SORCS3: variants seen among roughly 807,000 people sequenced by gnomAD.
SORCS3 encodes the protein sortilin related VPS10 domain containing receptor 3.
SORCS3 carries 57 observed loss-of-function variants against 146.3 expected under a neutral mutation model. The observed-to-expected ratio is 0.39, with a 90% CI of 0.31 to 0.49. The LOEUF (loss-of-function observed/expected upper bound fraction) is 0.49. Ranked by LOEUF, SORCS3 falls within the 20% of genes least tolerant of loss-of-function variation. The pLI is 0.92. For missense variants in SORCS3, 1,341 were observed against 1,575.5 expected, an observed-to-expected ratio of 0.85 and a Z score of 2.52; for synonymous variants, 653 against 618.5, an observed-to-expected ratio of 1.06 and a Z score of -0.83.
intron 1 of SORCS3, among the ~76,000 whole-genome samples, chr10:104,653,754 A>G (rs187241819): frequency 1.3e-5 from 2 of 152,234 alleles, no homozygotes; most frequent in Non-Finnish European, 2.9e-5. Flanking sequence ...TAATCACATC[A>G]TGGAAGATGG....
chr10:105,256,925 G>A lies in SORCS3; in HGVS notation c.3443+1G>A. ...TGTTTTTGATCTACAAGTTTAAAAGGTATGTCCTATTATCACTCAATTTAG... is the reference window on the plus strand; with the variant it reads ...TGTTTTTGATCTACAAGTTTAAAAGATATGTCCTATTATCACTCAATTTAG... On this transcript the variant is annotated splice_donor_variant, in intron 25 of 26. Coordinates refer to ENST00000369701, the MANE Select transcript of SORCS3 (RefSeq NM_014978.3). LOFTEE classifies it high-confidence loss of function. The A allele has an allele frequency of 6.2e-7, 1 of 1,606,332 alleles. No homozygotes were observed.
At chr10:104,851,700 C>A (rs1191621972) in intron 2 of SORCS3, among the ~76,000 whole-genome samples, 1 of 152,132 alleles carries the variant, frequency 6.6e-6, no homozygotes, top group African/African-American at 2.4e-5. Context: ...CACACAGAGC[C>A]TATCTATTTT....
chr10:104,664,357 T>C (rs1391436407), intron 1 of SORCS3, among the ~76,000 whole-genome samples: 7 of 152,188 alleles, frequency 4.6e-5, no homozygotes, highest in Non-Finnish European at 8.8e-5. Flanking sequence ...ATCCTTGACG[T>C]GTAACACATT....
intron 1 of SORCS3, among the ~76,000 whole-genome samples, chr10:104,827,580 C>A (rs72815642): frequency 0.076 from 11,571 of 152,098 alleles, 697 homozygotes; most frequent in Non-Finnish European, 0.11. Flanking sequence ...AGAACACAAG[C>A]AGAGGAGATT....
chr10:104,642,022 G>GGGGGGGGGGGGGGGGGGGCCCC, intron 1 of SORCS3, 68 bp downstream of exon 1: 28 of 173,320 alleles, frequency 1.6e-4, no homozygotes, highest in East Asian at 6.0e-4. Context: ...GGGTGGGTGG[G>GGGGGGGGGGGGGGGGGGGCCCC]AGCGAGGGAC....
chr10:105,241,356 G>A (rs745775778), intron 20 of SORCS3, among the ~76,000 whole-genome samples: 2 of 152,218 alleles, frequency 1.3e-5, no homozygotes, highest in Non-Finnish European at 2.9e-5. Flanking sequence ...TATCACCTCA[G>A]GGGGAGCGCA....
At chr10:105,013,906 G>A (rs79880689) in intron 4 of SORCS3, among the ~76,000 whole-genome samples, 1,817 of 151,650 alleles carry the variant, frequency 0.012, 33 homozygotes, top group African/African-American at 0.041. Flanking sequence ...TGGTTGGAGT[G>A]GGTTGCTAAC....
intron 1 of SORCS3, among the ~76,000 whole-genome samples, chr10:104,778,396 T>A (rs1029875152): frequency 2.0e-5 from 3 of 152,242 alleles, no homozygotes; most frequent in Admixed American, 2.0e-4. Context: ...GAACATTTGT[T>A]ATTTGCCTAT....
At chr10:105,110,659 A>G (rs531316051) in intron 7 of SORCS3, among the ~76,000 whole-genome samples, 11 of 152,114 alleles carry the variant, frequency 7.2e-5, no homozygotes, top group Non-Finnish European at 1.5e-4. Flanking sequence ...ACCACCTGGA[A>G]CACAATATAT....
intron 1 of SORCS3, among the ~76,000 whole-genome samples, chr10:104,760,606 G>C (rs1231619775): frequency 6.6e-6 from 1 of 152,104 alleles, no homozygotes; most frequent in East Asian, 1.9e-4. Flanking sequence ...TAATAACTTT[G>C]AGTGTTAATT....
intron 25 of SORCS3, 131 bp downstream of exon 25, chr10:105,257,055 G>A (rs1465754662): frequency 1.4e-6 from 1 of 701,224 alleles, no homozygotes; most frequent in Non-Finnish European, 2.5e-6. Context: ...GTTTGACAAT[G>A]GGTAAAAGCA....
At chr10:104,850,608 T>C (rs1238510729) in intron 2 of SORCS3, among the ~76,000 whole-genome samples, 1 of 152,170 alleles carries the variant, frequency 6.6e-6, no homozygotes, top group Non-Finnish European at 1.5e-5. Flanking sequence ...AGCTCCTTGG[T>C]TGATTCTGAT....
In SORCS3 at chr10:105,143,245, G is replaced by GT. The variant is rs572815822; in HGVS notation, c.1302+3768dup. On this transcript the variant is annotated intron_variant, in intron 8 of 26. Transcript: ENST00000369701. ...ATACTTGATACTCTTCCCTTTGGTAGTTTTTTTTTATGATTTGTTTTTGTG... is the reference window on the plus strand; with the variant it reads ...ATACTTGATACTCTTCCCTTTGGTAGTTTTTTTTTTATGATTTGTTTTTGTG... Among the ~76,000 whole-genome samples the GT allele has an allele frequency of 2.7e-3, 407 of 151,546 alleles. 1 individual carries two copies. Among genetic ancestry groups the GT allele is most frequent in the Middle Eastern group, 0.017 (5 of 292 alleles).
At chr10:104,931,319 G>T (rs949237067) in intron 3 of SORCS3, among the ~76,000 whole-genome samples, 2 of 152,178 alleles carry the variant, frequency 1.3e-5, no homozygotes, top group Non-Finnish European at 2.9e-5. Flanking sequence ...GGGCAGCTAG[G>T]TAGCTACAGA....
intron 1 of SORCS3, among the ~76,000 whole-genome samples, chr10:104,761,995 C>G (rs182779733): frequency 4.1e-4 from 63 of 152,264 alleles, no homozygotes; most frequent in Non-Finnish European, 6.9e-4. Flanking sequence ...TCTAAACTTC[C>G]GAAACCAAAT....
chr10:104,860,918 G>A (rs1003455607), intron 2 of SORCS3, among the ~76,000 whole-genome samples: 2 of 152,282 alleles, frequency 1.3e-5, no homozygotes, highest in South Asian at 4.1e-4. Context: ...TGTCACTGGG[G>A]TTCCCAACAG....
intron 22 of SORCS3, 109 bp downstream of exon 22, chr10:105,247,440 T>C: frequency 1.7e-6 from 1 of 579,660 alleles, no homozygotes; most frequent in South Asian, 2.6e-5. Context: ...CAGTTAAAGA[T>C]TATTTCTCTG....
intron 3 of SORCS3, among the ~76,000 whole-genome samples, chr10:104,952,913 G>C (rs2019448281): frequency 6.6e-6 from 1 of 152,220 alleles, no homozygotes; most frequent in South Asian, 2.1e-4. Context: ...GAAAGCAGCA[G>C]CTCATTGCTC....
chr10:105,212,646 AG>A (rs1177051858), intron 17 of SORCS3, among the ~76,000 whole-genome samples: 3 of 152,260 alleles, frequency 2.0e-5, no homozygotes, highest in Non-Finnish European at 4.4e-5. Context: ...TTAAAAAAAA[AG>A]AAAACAAATA....
Sources: gnomAD v4.1 joint callset for allele counts (sites outside exome capture counted in the v4.1 genomes callset) on GRCh38, gnomAD v4.1.1 for gene constraint, MANE v1.5 for transcripts, NCBI Gene and HGNC (gene_info 2026-07-23, HGNC 2026-07-21) for gene names.